EPHB1: variants seen among roughly 807,000 people sequenced by gnomAD.
EPHB1 encodes the protein EPH receptor B1, also known as ephrin type-B receptor 1.
EPHB1 carries 30 observed loss-of-function variants against 94.4 expected under a neutral mutation model. That is an observed-to-expected ratio of 0.32 (90% CI 0.24 to 0.43). The LOEUF (loss-of-function observed/expected upper bound fraction) is 0.43, where lower values mean the gene tolerates loss of function less well. Ranked by LOEUF, EPHB1 falls within the 20% of genes least tolerant of loss-of-function variation. The pLI is 1.00. For missense variants in EPHB1, 1,055 were observed against 1,308.3 expected (o/e 0.81, Z 2.99); for synonymous variants, 522 against 489.1 (o/e 1.07, Z -0.89).
At chr3:134,897,279 T>C (rs2038105365) in intron 1 of EPHB1, among the ~76,000 whole-genome samples, 1 of 152,132 alleles carries the variant, frequency 6.6e-6, no homozygotes, top group East Asian at 1.9e-4. Flanking sequence ...CCCAGATCCT[T>C]TCTAATCCTC....
chr3:135,133,910 C>T (rs983959048), intron 5 of EPHB1, among the ~76,000 whole-genome samples: 16 of 152,322 alleles, frequency 1.1e-4, no homozygotes, highest in African/African-American at 3.6e-4. Flanking sequence ...CTGTGTGCCA[C>T]GCTGTGGATT....
rs1220423831 is a variant in EPHB1 at position 135,210,073 on chromosome 3, G to A, written c.2346+8384G>A. Reference sequence around the variant, plus strand: ...GATGCTGGAGAGAAATTGGTTGAAGGAGTAGAAGAGTTGGGAATAGATTGT... The same window carrying A: ...GATGCTGGAGAGAAATTGGTTGAAGAAGTAGAAGAGTTGGGAATAGATTGT... On this transcript the variant is annotated intron_variant, in intron 12 of 15. Coordinates refer to ENST00000398015, the MANE Select transcript of EPHB1 (RefSeq NM_004441.5). 2.0e-5 allele frequency among the ~76,000 whole-genome samples: 3 copies of A among 152,192 alleles called. No individual in the cohort carries two copies. In the East Asian group the frequency reaches 5.8e-4, roughly 29 times the overall value.
At chr3:134,989,506 C>T (rs1487113821) in intron 3 of EPHB1, among the ~76,000 whole-genome samples, 1 of 151,886 alleles carries the variant, frequency 6.6e-6, no homozygotes, top group South Asian at 2.1e-4. Flanking sequence ...TGCACACACA[C>T]ACACACACAC....
At chr3:135,119,005 G>A (rs947319039) in intron 4 of EPHB1, among the ~76,000 whole-genome samples, 27 of 152,202 alleles carry the variant, frequency 1.8e-4, no homozygotes, top group Admixed American at 1.7e-3. Context: ...ACTCTTCACA[G>A]CAGTGTGCAT....
chr3:135,110,582 G>T (rs1478728086), intron 4 of EPHB1, among the ~76,000 whole-genome samples: 1 of 152,142 alleles, frequency 6.6e-6, no homozygotes, highest in Non-Finnish European at 1.5e-5. Flanking sequence ...AAATTACGAG[G>T]TTGTGAGAAT....
intron 1 of EPHB1, among the ~76,000 whole-genome samples, chr3:134,839,884 T>G (rs2108296163): frequency 6.6e-6 from 1 of 152,274 alleles, no homozygotes; most frequent in Admixed American, 6.5e-5. Flanking sequence ...AGGCTGAATG[T>G]GACTTGATGA....
chr3:135,030,769 G>A (rs1390023905), intron 3 of EPHB1, among the ~76,000 whole-genome samples: 1 of 152,228 alleles, frequency 6.6e-6, no homozygotes, highest in Non-Finnish European at 1.5e-5. Context: ...AAGCTTCCCT[G>A]CTGCTTTGTT....
chr3:134,892,475 A>G (rs891594541), intron 1 of EPHB1, among the ~76,000 whole-genome samples: 2 of 152,160 alleles, frequency 1.3e-5, no homozygotes, highest in Admixed American at 1.3e-4. Flanking sequence ...GAGGTTCCCA[A>G]CTCTATTTGC....
intron 3 of EPHB1, among the ~76,000 whole-genome samples, chr3:135,093,485 A>G (rs1938633214): frequency 1.3e-5 from 2 of 152,216 alleles, no homozygotes; most frequent in South Asian, 4.1e-4. Context: ...TTGGAGGCCA[A>G]TATGGGCAGA....
chr3:134,993,814 G>A (rs1934899385), intron 3 of EPHB1, among the ~76,000 whole-genome samples: 1 of 152,230 alleles, frequency 6.6e-6, no homozygotes, highest in Non-Finnish European at 1.5e-5. Flanking sequence ...GAGCTTGCCA[G>A]CTTCATTCAC....
intron 1 of EPHB1, among the ~76,000 whole-genome samples, chr3:134,892,350 T>G (rs1388560685): frequency 1.3e-5 from 2 of 152,230 alleles, no homozygotes; most frequent in Non-Finnish European, 2.9e-5. Context: ...TTCCTGACTT[T>G]GGCCCGGCAA....
intron 5 of EPHB1, among the ~76,000 whole-genome samples, chr3:135,134,852 C>G (rs185508285): frequency 6.6e-6 from 1 of 152,072 alleles, no homozygotes; most frequent in African/African-American, 2.4e-5. Context: ...TAAGCATGTG[C>G]GAACAAACCT....
intron 1 of EPHB1, among the ~76,000 whole-genome samples, chr3:134,872,145 T>C (rs1236040784): frequency 2.6e-5 from 4 of 152,192 alleles, no homozygotes; most frequent in African/African-American, 9.7e-5. Context: ...TCACCTGATG[T>C]CTGAGAATAA....
At chr3:134,916,665 G>A (rs536870342) in intron 1 of EPHB1, among the ~76,000 whole-genome samples, 16 of 152,310 alleles carry the variant, frequency 1.1e-4, no homozygotes, top group Middle Eastern at 3.4e-3. Context: ...TGTGGGGCCC[G>A]CTGAGCCCAC....
chr3:134,860,454 A>G (rs1403867690), intron 1 of EPHB1, among the ~76,000 whole-genome samples: 1 of 152,180 alleles, frequency 6.6e-6, no homozygotes, highest in Non-Finnish European at 1.5e-5. Flanking sequence ...TTTCAAGGGC[A>G]GTTTTGACTA....
At chr3:135,095,315 C>T (rs542950717) in intron 3 of EPHB1, among the ~76,000 whole-genome samples, 1 of 152,242 alleles carries the variant, frequency 6.6e-6, no homozygotes, top group African/African-American at 2.4e-5. Context: ...TGCCTGGCAT[C>T]TAGTAGGGGC....
At chr3:135,040,151 C>G (rs1288034509) in intron 3 of EPHB1, among the ~76,000 whole-genome samples, 2 of 152,344 alleles carry the variant, frequency 1.3e-5, no homozygotes, top group Middle Eastern at 3.4e-3. Context: ...AATCCACACT[C>G]TGCCACTTAC....
intron 12 of EPHB1, among the ~76,000 whole-genome samples, chr3:135,208,745 C>T (rs981642880): frequency 2.0e-5 from 3 of 152,082 alleles, no homozygotes; most frequent in Non-Finnish European, 2.9e-5. Flanking sequence ...TAGTGTGAAC[C>T]GGTGGTTTTA....
intron 2 of EPHB1, among the ~76,000 whole-genome samples, chr3:134,927,257 T>G (rs2038813351): frequency 6.6e-6 from 1 of 152,236 alleles, no homozygotes; most frequent in Admixed American, 6.5e-5. Flanking sequence ...GACAGTTATC[T>G]CACCTGTGCA....
Sources: allele counts gnomAD v4.1 joint callset (sites outside exome capture counted in the v4.1 genomes callset), GRCh38; gene constraint gnomAD v4.1.1; transcripts MANE v1.5; gene names NCBI Gene and HGNC (gene_info 2026-07-23, HGNC 2026-07-21).